Variants in GPHN observed in about 807,000 individuals in gnomAD.
GPHN encodes gephyrin.
Under a neutral mutation model 95.5 loss-of-function variants are expected in GPHN, and 17 were observed. That is an observed-to-expected ratio of 0.18 (90% CI 0.12 to 0.27). GPHN has a LOEUF of 0.27. Among genes scored for constraint, GPHN ranks in the 10% least tolerant of loss-of-function variants. The pLI, the probability that GPHN is intolerant of heterozygous loss-of-function variation, is 1.00. For synonymous variants in GPHN, 320 were observed against 322.5 expected (o/e 0.99, Z 0.08); for missense variants, 660 against 978.1 (o/e 0.67, Z 4.34).
At chr14:66,807,066 C>T (rs2060574364) in intron 3 of GPHN, among the ~76,000 whole-genome samples, 1 of 152,170 alleles carries the variant, frequency 6.6e-6, no homozygotes, top group African/African-American at 2.4e-5. Flanking sequence ...TACAGTTTCA[C>T]ATGGCTGGGA....
chr14:66,934,535 G>A (rs1406825180), intron 8 of GPHN, among the ~76,000 whole-genome samples: 1 of 152,150 alleles, frequency 6.6e-6, no homozygotes, highest in Non-Finnish European at 1.5e-5. Flanking sequence ...ATTAGTTAAA[G>A]GATCATGTAA....
chr14:67,582,946 CATA>C, the GPHN span, among the ~76,000 whole-genome samples: 6 of 152,294 alleles, frequency 3.9e-5, no homozygotes, highest in South Asian at 1.0e-3. The surrounding 1 kb of genome is among the most constrained non-coding windows in gnomAD (Gnocchi z 5.0). Context: ...TGGTAAACTT[CATA>C]AACCATCAGA....
At chr14:66,549,439 T>C (rs2059733963) in intron 1 of GPHN, among the ~76,000 whole-genome samples, 1 of 152,206 alleles carries the variant, frequency 6.6e-6, no homozygotes, top group Non-Finnish European at 1.5e-5. Flanking sequence ...CTAACTCTTC[T>C]CAATTCTGTG....
chr14:67,246,371 G>C, the GPHN span, among the ~76,000 whole-genome samples: 1 of 151,888 alleles, frequency 6.6e-6, no homozygotes, highest in African/African-American at 2.4e-5. Flanking sequence ...TTGAGACAGG[G>C]TCTCACTCTG....
At chr14:67,521,393 A>C in the GPHN span, among the ~76,000 whole-genome samples, 4 of 152,216 alleles carry the variant, frequency 2.6e-5, no homozygotes, top group African/African-American at 9.7e-5. Flanking sequence ...TGGAGGGAGA[A>C]GAGGCATTAG....
At chr14:66,996,709 TATAAA>T (rs999052753) in intron 9 of GPHN, among the ~76,000 whole-genome samples, 5 of 152,158 alleles carry the variant, frequency 3.3e-5, no homozygotes, top group South Asian at 2.1e-4. Flanking sequence ...ATCTATTTTA[TATAAA>T]ATAAAAGATG....
the GPHN span, among the ~76,000 whole-genome samples, chr14:67,523,220 G>A: frequency 1.3e-5 from 2 of 151,978 alleles, no homozygotes; most frequent in East Asian, 1.9e-4. Context: ...CTACTCGGGA[G>A]GCTAAGGCAG....
At chr14:67,237,383 T>C in the GPHN span, among the ~76,000 whole-genome samples, 1 of 152,154 alleles carries the variant, frequency 6.6e-6, no homozygotes, top group Non-Finnish European at 1.5e-5. Context: ...TAGTTAAGGC[T>C]ACATAATTTG....
At chr14:67,266,936 C>T in the GPHN span, among the ~76,000 whole-genome samples, 1 of 151,734 alleles carries the variant, frequency 6.6e-6, no homozygotes, top group African/African-American at 2.4e-5. Context: ...ACAGTGAAAC[C>T]CTATCTCTAC....
intron 1 of GPHN, among the ~76,000 whole-genome samples, chr14:66,593,483 A>G (rs2140711031): frequency 6.6e-6 from 1 of 152,078 alleles, no homozygotes; most frequent in Admixed American, 6.5e-5. Flanking sequence ...GCAAAGGGGG[A>G]AGAGCCCCTT....
chr14:67,537,841 C>T, the GPHN span, among the ~76,000 whole-genome samples: 1 of 152,182 alleles, frequency 6.6e-6, no homozygotes, highest in Non-Finnish European at 1.5e-5. Context: ...CAGCCCCTGC[C>T]TCTGGGGCAT....
intron 5 of GPHN, among the ~76,000 whole-genome samples, chr14:66,895,078 A>C (rs2064761202): frequency 6.6e-6 from 1 of 152,226 alleles, no homozygotes; most frequent in African/African-American, 2.4e-5. Flanking sequence ...TTGCGGCACT[A>C]TTCACAATAG....
the GPHN span, chr14:67,647,775 C>T: frequency 2.6e-6 from 1 of 391,688 alleles, no homozygotes; most frequent in Non-Finnish European, 4.6e-6. Flanking sequence ...GTTCTAATAC[C>T]CAGTGTAAGG....
Position 66,508,524 on chromosome 14 carries a change from A to G in GPHN, c.-4A>G. 1 of 1,613,920 alleles carries G rather than the reference A, an allele frequency of 6.2e-7. No individual in the cohort carries two copies. Among genetic ancestry groups the G allele is most frequent in the Non-Finnish European group, 8.5e-7 (1 of 1,179,826 alleles). The stretch of plus-strand genomic sequence containing the variant: ...CTGTCAGTGCGGTGACTGCGCTGGG[A>G]AACATGGCGACCGAGGGAATGATCC... On this transcript the variant is annotated 5_prime_UTR_variant, in exon 1 of 23. Coordinates refer to ENST00000478722, the MANE Select transcript of GPHN (RefSeq NM_020806.5).
At chr14:67,675,734 G>T in the GPHN span, among the ~76,000 whole-genome samples, 1 of 152,070 alleles carries the variant, frequency 6.6e-6, no homozygotes, top group Non-Finnish European at 1.5e-5. Flanking sequence ...GGCTTCATTA[G>T]GTCTCATCTG....
At chr14:66,678,360 C>T (rs184426787) in intron 1 of GPHN, among the ~76,000 whole-genome samples, 103 of 150,834 alleles carry the variant, frequency 6.8e-4, no homozygotes, top group Middle Eastern at 3.5e-3. Context: ...TTGATCTAGT[C>T]GATTGTTGAA....
intron 5 of GPHN, among the ~76,000 whole-genome samples, chr14:66,888,206 G>A (rs1251067133): frequency 4.6e-5 from 7 of 152,098 alleles, no homozygotes; most frequent in Non-Finnish European, 1.0e-4. Flanking sequence ...AACAATGACC[G>A]AGAATTTCCC....
intron 18 of GPHN, among the ~76,000 whole-genome samples, chr14:67,151,214 C>G (rs942783657): frequency 2.0e-5 from 3 of 152,198 alleles, no homozygotes; most frequent in African/African-American, 7.2e-5. Context: ...AGCTTCAGTT[C>G]TACTTACAAC....
At chr14:67,561,910 C>T in the GPHN span, 2 of 1,371,794 alleles carry the variant, frequency 1.5e-6, no homozygotes, top group African/African-American at 2.9e-5. Flanking sequence ...ACATCTAAAC[C>T]TGTAGGCTGG....
Sources: allele counts gnomAD v4.1 joint callset (sites outside exome capture counted in the v4.1 genomes callset), GRCh38; gene constraint gnomAD v4.1.1; non-coding constraint Gnocchi (gnomAD v3.1); transcripts MANE v1.5; gene names NCBI Gene and HGNC (gene_info 2026-07-23, HGNC 2026-07-21).